TNRC6A: variants seen among roughly 807,000 people sequenced by gnomAD.
The protein encoded by TNRC6A is trinucleotide repeat containing adaptor 6A, also known as trinucleotide repeat-containing gene 6A protein.
Under a neutral mutation model 221.2 loss-of-function variants are expected in TNRC6A, and 44 were observed. That is an observed-to-expected ratio of 0.20 (90% CI 0.16 to 0.26). The LOEUF (loss-of-function observed/expected upper bound fraction) is 0.26, where lower values mean the gene tolerates loss of function less well. Ranked by LOEUF, TNRC6A falls within the 10% of genes least tolerant of loss-of-function variation. The probability of loss-of-function intolerance (pLI) is 1.00; values close to 1 mark genes in which losing one functional copy is unlikely to be tolerated. For missense variants in TNRC6A, 2,199 were observed against 2,404.4 expected (o/e 0.91, Z 1.79); for synonymous variants, 847 against 838.5 (o/e 1.01, Z -0.18).
Position 24,790,512 on chromosome 16 carries a change from C to CAGCA in TNRC6A, c.1871_1874dup (p.His625GlnfsTer5). The CAGCA allele has an allele frequency of 6.2e-7, 1 of 1,614,200 alleles. No individual in the cohort carries two copies. The highest frequency in any genetic ancestry group is 8.5e-7 in the Non-Finnish European group (1 of 1,180,038). ...TGAGTGGAACAAACTGCCTAGCAAT[C>CAGCA]AGCATTCCAATGATAGTGCAAATGG... On this transcript the variant is annotated frameshift_variant, in exon 6 of 25. Coordinates refer to ENST00000395799, the MANE Select transcript of TNRC6A (RefSeq NM_014494.4). LOFTEE classifies it high-confidence loss of function.
At chr16:24,785,015 AT>A (rs2057935429) in intron 5 of TNRC6A, among the ~76,000 whole-genome samples, 1 of 152,142 alleles carries the variant, frequency 6.6e-6, no homozygotes, top group African/African-American at 2.4e-5. Flanking sequence ...GATTATTTTT[AT>A]TTATTATCTC....
intron 2 of TNRC6A, among the ~76,000 whole-genome samples, chr16:24,735,057 G>A (rs1415588357): frequency 6.6e-6 from 1 of 152,174 alleles, no homozygotes; most frequent in Non-Finnish European, 1.5e-5. Context: ...TGAGGCACGT[G>A]GATCATTTGA....
chr16:24,627,624 C>G (rs1901090485), intron 1 of TNRC6A, among the ~76,000 whole-genome samples: 1 of 151,848 alleles, frequency 6.6e-6, no homozygotes, highest in Non-Finnish European at 1.5e-5. Context: ...GATTTGACCC[C>G]TGATGTGTTC....
chr16:24,666,791 G>A (rs554243794), intron 2 of TNRC6A, among the ~76,000 whole-genome samples: 1 of 149,588 alleles, frequency 6.7e-6, no homozygotes, highest in African/African-American at 2.5e-5. Flanking sequence ...TTTACTAACC[G>A]AAGGCACTCC....
At chr16:24,736,429 AT>A (rs2056769148) in intron 2 of TNRC6A, among the ~76,000 whole-genome samples, 1 of 152,034 alleles carries the variant, frequency 6.6e-6, no homozygotes, top group African/African-American at 2.4e-5. Flanking sequence ...TTTTCTCAAA[AT>A]TTTTTTTAAA....
chr16:24,810,828 G>C (rs1046853265), intron 18 of TNRC6A, among the ~76,000 whole-genome samples: 3 of 152,206 alleles, frequency 2.0e-5, no homozygotes, highest in African/African-American at 7.2e-5. Flanking sequence ...AGGTAAGAGA[G>C]AGAAAGGTCA....
intron 5 of TNRC6A, among the ~76,000 whole-genome samples, chr16:24,785,059 CT>C (rs2057936241): frequency 6.6e-6 from 1 of 152,072 alleles, no homozygotes; most frequent in South Asian, 2.1e-4. Context: ...TGAATATTCC[CT>C]TTCTCCACTG....
At chr16:24,771,582 T>TTGTGATGTTATGTGA (rs1555502170) in intron 4 of TNRC6A, among the ~76,000 whole-genome samples, 2 of 95,480 alleles carry the variant, frequency 2.1e-5, no homozygotes, top group African/African-American at 8.7e-5. Flanking sequence ...TTATGTTATG[T>TTGTGATGTTATGTGA]TGTTATGTTA....
At chr16:24,732,458 T>C (rs900545979) in intron 2 of TNRC6A, among the ~76,000 whole-genome samples, 1 of 152,220 alleles carries the variant, frequency 6.6e-6, no homozygotes, top group Non-Finnish European at 1.5e-5. Flanking sequence ...AGATTTTACA[T>C]GGACTCATCT....
chr16:24,729,484 G>T (rs1318460138), upstream of TNRC6A, among the ~76,000 whole-genome samples: 4 of 151,818 alleles, frequency 2.6e-5, no homozygotes, highest in Non-Finnish European at 5.9e-5. Context: ...CCACTCCGCG[G>T]GGCGCCTCGG....
At chr16:24,687,512 G>C (rs1297234370) in intron 2 of TNRC6A, among the ~76,000 whole-genome samples, 3 of 152,184 alleles carry the variant, frequency 2.0e-5, no homozygotes, top group Non-Finnish European at 4.4e-5. Flanking sequence ...TGCATGGCCA[G>C]GTGCAATGGC....
chr16:24,702,209 G>A (rs536594895), intron 2 of TNRC6A, among the ~76,000 whole-genome samples: 3 of 120,572 alleles, frequency 2.5e-5, no homozygotes, highest in African/African-American at 3.4e-5. Flanking sequence ...GCAGGGTTTC[G>A]CTCTGTCACC....
chr16:24,747,443 G>A (rs1457582416), intron 2 of TNRC6A, among the ~76,000 whole-genome samples: 1 of 152,130 alleles, frequency 6.6e-6, no homozygotes, highest in South Asian at 2.1e-4. Context: ...AGCCTTCAGG[G>A]CATGGATGAT....
chr16:24,645,963 G>A (rs1902267911), intron 2 of TNRC6A, among the ~76,000 whole-genome samples: 1 of 151,418 alleles, frequency 6.6e-6, no homozygotes, highest in South Asian at 2.1e-4. Flanking sequence ...AGGTTGCCGT[G>A]AGCCAAGATA....
In TNRC6A at chr16:24,692,221, G is replaced by T. The variant is rs576792077; in HGVS notation, n.402+51212G>T. On this transcript the variant is annotated intron_variant and non_coding_transcript_variant, in intron 2 of 2. Coordinates refer to the TNRC6A transcript ENST00000566108. The stretch of plus-strand genomic sequence containing the variant: ...GCAGCAAAGATCTTCATCCTTCTTG[G>T]TCTATTTCTGGCCTCCAACAAACCT... 1.4e-3 allele frequency among the ~76,000 whole-genome samples: 216 copies of T among 152,206 alleles called. 1 individual carries two copies. Among genetic ancestry groups the T allele is most frequent in the Middle Eastern group, 3.4e-3 (1 of 294 alleles).
chr16:24,688,993 G>A (rs2055696864), intron 2 of TNRC6A, among the ~76,000 whole-genome samples: 1 of 152,152 alleles, frequency 6.6e-6, no homozygotes, highest in Admixed American at 6.6e-5. Flanking sequence ...TTGAGCCCAG[G>A]AGTTCGGGGC....
chr16:24,628,506 T>G (rs1372276605), intron 1 of TNRC6A, among the ~76,000 whole-genome samples: 1 of 152,136 alleles, frequency 6.6e-6, no homozygotes, highest in African/African-American at 2.4e-5. Context: ...CTCTGCCACA[T>G]CTGAGACAGC....
intron 2 of TNRC6A, among the ~76,000 whole-genome samples, chr16:24,706,478 G>A (rs1321509630): frequency 2.6e-5 from 4 of 152,020 alleles, no homozygotes; most frequent in Admixed American, 2.6e-4. Context: ...TTGGGAGGCC[G>A]AGGTGGGTGG....
chr16:24,820,206 G>A lies in TNRC6A; in HGVS notation c.5148G>A (p.Glu1716=). 2 of 1,614,116 alleles carry A rather than the reference G, an allele frequency of 1.2e-6. No individual in the cohort carries two copies. Among genetic ancestry groups the A allele is most frequent in the Non-Finnish European group, 1.7e-6 (2 of 1,180,034 alleles). ...TTACAAACACCTCTCTGGCTCATGA[G>A]CTGTGGAAGGTCCCTTTGCCACCTA... ...GSVTNTSLAH[E]LWKVPLPPKN... Residue 1716 remains glutamate, a synonymous_variant, in exon 22 of 25, where the codon GAG becomes GAA. Transcript: ENST00000395799.
Sources: gnomAD v4.1 joint callset for allele counts (sites outside exome capture counted in the v4.1 genomes callset) on GRCh38, gnomAD v4.1.1 for gene constraint, MANE v1.5 for transcripts, NCBI Gene and HGNC (gene_info 2026-07-23, HGNC 2026-07-21) for gene names.